The following CCDC144A variants were observed in gnomAD, a reference collection of about 807,000 sequenced individuals.
CCDC144A encodes coiled-coil domain containing 144A, also known as coiled-coil domain-containing protein 144A.
Under a neutral mutation model 143.8 loss-of-function variants are expected in CCDC144A, and 41 were observed. The ratio of observed to expected loss-of-function variants is 0.29; its 90% CI spans 0.22 to 0.37. The LOEUF (loss-of-function observed/expected upper bound fraction) is 0.37, where lower values mean the gene tolerates loss of function less well. Among genes scored for constraint, CCDC144A ranks in the 10% least tolerant of loss-of-function variants. The pLI is 1.00. For missense variants in CCDC144A, 637 were observed against 1,488.8 expected, an observed-to-expected ratio of 0.43 and a Z score of 9.41; for synonymous variants, 242 against 517.9, an observed-to-expected ratio of 0.47 and a Z score of 7.23.
In CCDC144A at chr17:16,768,489, T is replaced by C. The variant is rs531577202; in HGVS notation, c.4099-3488T>C. ...TCAGTCAGTGCCAAAGCAGTTGTTATGGAGGCCTGCGTTAGTGAGACCTGG... is the reference window on the plus strand; with the variant it reads ...TCAGTCAGTGCCAAAGCAGTTGTTACGGAGGCCTGCGTTAGTGAGACCTGG... On this transcript the variant is annotated intron_variant, in intron 15 of 16. Coordinates refer to ENST00000399273, the MANE Select transcript of CCDC144A (RefSeq NM_001382000.1). 8.1e-3 allele frequency among the ~76,000 whole-genome samples: 1,229 copies of C among 152,224 alleles called. 1 individual carries two copies. Among genetic ancestry groups the C allele is most frequent in the Non-Finnish European group, 0.013 (889 of 67,940 alleles).
intron 2 of CCDC144A, among the ~76,000 whole-genome samples, chr17:16,696,838 G>C (rs999478779): frequency 6.6e-6 from 1 of 151,896 alleles, no homozygotes; most frequent in East Asian, 1.9e-4. Context: ...TTTCATGGCT[G>C]ACTAATTAGC....
chr17:16,674,994 C>T, the CCDC144A span, among the ~76,000 whole-genome samples: 2 of 150,562 alleles, frequency 1.3e-5, no homozygotes, highest in East Asian at 2.0e-4. Flanking sequence ...TTAGGCCGGG[C>T]GTGGTGGCTC....
chr17:16,694,442 G>A (rs1290304524), intron 2 of CCDC144A, among the ~76,000 whole-genome samples: 1 of 152,034 alleles, frequency 6.6e-6, no homozygotes, highest in Non-Finnish European at 1.5e-5. Flanking sequence ...AATTAGCTGG[G>A]TGTTTTGGTG....
chr17:16,723,222 T>C, intron 8 of CCDC144A, among the ~76,000 whole-genome samples: 1 of 152,156 alleles, frequency 6.6e-6, no homozygotes, highest in Non-Finnish European at 1.5e-5. Flanking sequence ...TGGACCTTGG[T>C]AATTTTTGTT....
chr17:16,773,340 C>T (rs890071346), intron 16 of CCDC144A, among the ~76,000 whole-genome samples, 157 bp from the exon 17 acceptor site: 5 of 152,090 alleles, frequency 3.3e-5, no homozygotes, highest in African/African-American at 9.7e-5. Flanking sequence ...GTTCCAAGTA[C>T]TTGGGGCTGA....
intron 12 of CCDC144A, among the ~76,000 whole-genome samples, chr17:16,756,496 T>C (rs1350547314): frequency 6.7e-6 from 1 of 149,984 alleles, no homozygotes; most frequent in Non-Finnish European, 1.5e-5. Context: ...TTGAATTTCT[T>C]ATTCAGATCA....
At chr17:16,678,739 C>A in the CCDC144A span, among the ~76,000 whole-genome samples, 1 of 147,602 alleles carries the variant, frequency 6.8e-6, no homozygotes, top group Non-Finnish European at 1.5e-5. Context: ...TGCCACCAAG[C>A]CTGGCTAATT....
At chr17:16,686,736 TCA>T (rs987041414), upstream of CCDC144A, among the ~76,000 whole-genome samples, 21 of 133,062 alleles carry the variant, frequency 1.6e-4, no homozygotes, top group Non-Finnish European at 3.0e-4. Flanking sequence ...TCTGCCTCTG[TCA>T]CACACACAAA....
chr17:16,667,430 AG>A, the CCDC144A span, among the ~76,000 whole-genome samples: 2 of 150,186 alleles, frequency 1.3e-5, no homozygotes, highest in Non-Finnish European at 3.0e-5. Flanking sequence ...ACGCGGCTGA[AG>A]GGACTGAGGG....
intron 6 of CCDC144A, among the ~76,000 whole-genome samples, chr17:16,718,977 G>A (rs1378089794): frequency 4.4e-5 from 6 of 137,208 alleles, no homozygotes; most frequent in Non-Finnish European, 7.7e-5. Flanking sequence ...GATTACAGGC[G>A]CCCGCCACCG....
chr17:16,673,195 G>T, the CCDC144A span, among the ~76,000 whole-genome samples: 441 of 151,690 alleles, frequency 2.9e-3, 2 homozygotes, highest in Admixed American at 6.8e-3. Context: ...ACACAGAGGG[G>T]CCCTAACACC....
the CCDC144A span, among the ~76,000 whole-genome samples, chr17:16,679,277 G>A: frequency 1.3e-5 from 2 of 152,140 alleles, no homozygotes; most frequent in South Asian, 4.2e-4. Context: ...ATATAGATAT[G>A]GATAGGTAGG....
chr17:16,726,008 T>C (rs1426122334), intron 8 of CCDC144A, among the ~76,000 whole-genome samples: 3 of 152,202 alleles, frequency 2.0e-5, no homozygotes, highest in Non-Finnish European at 4.4e-5. Context: ...ATGTCTAATC[T>C]GTGTTCACTT....
At position 16,709,009 on chromosome 17, in the gene CCDC144A, G is replaced by A. The variant is rs972919779; in HGVS notation, c.952G>A (p.Glu318Lys). 1.2e-6 allele frequency: 2 copies of A among 1,611,530 alleles called. No individual in the cohort carries two copies. The highest frequency in any genetic ancestry group is 2.7e-5 in the African/African-American group (2 of 74,838). The change falls in exon 5 of 17, where the codon GAG (glutamate) becomes AAG (lysine). Residue 318 changes from glutamate (E) to lysine (K), a missense_variant. Transcript: ENST00000399273. ...CAAAATTCCGGCTTGTCCTGAGGAA[G>A]AGCCACTACTTGATAACTCTACAAG... ...KYKIPACPEEEPLLDNSTRGT... is the reference protein window; with the variant it reads ...KYKIPACPEEKPLLDNSTRGT...
At chr17:16,742,261 C>G (rs1914290702) in intron 12 of CCDC144A, among the ~76,000 whole-genome samples, 1 of 152,126 alleles carries the variant, frequency 6.6e-6, no homozygotes, top group Non-Finnish European at 1.5e-5. Flanking sequence ...TCTCTACTTC[C>G]GTGAACTTTT....
intron 8 of CCDC144A, among the ~76,000 whole-genome samples, chr17:16,726,323 G>A (rs761689914): frequency 3.1e-4 from 47 of 149,852 alleles, no homozygotes; most frequent in Non-Finnish European, 5.8e-4. Flanking sequence ...GGAGCTTGCA[G>A]TGAGCCGAGA....
In CCDC144A at chr17:16,734,725, T is replaced by C. The variant is rs1380498995; in HGVS notation, c.2454T>C (p.Phe818=). ...SHRHQKEKDL[F]HEDCMLQEEI... ...GGCATCAGAAAGAAAAGGATCTCTTTCATGAAGATTGCATGTTGCAGGAAG... is the reference window on the plus strand; with the variant it reads ...GGCATCAGAAAGAAAAGGATCTCTTCCATGAAGATTGCATGTTGCAGGAAG... The change falls in exon 12 of 17, where the codon TTT becomes TTC. Residue 818 remains phenylalanine (F), a synonymous_variant. Transcript: ENST00000399273. The C allele has an allele frequency of 5.6e-6, 9 of 1,594,692 alleles. No homozygotes were observed. The highest frequency in any genetic ancestry group is 4.5e-5 in the East Asian group (2 of 44,718).
the CCDC144A span, among the ~76,000 whole-genome samples, chr17:16,669,220 A>G: frequency 1.3e-5 from 2 of 152,248 alleles, no homozygotes; most frequent in Non-Finnish European, 1.5e-5. Context: ...TGCATAATAT[A>G]TGTAATGCTA....
At chr17:16,695,749 G>T (rs1911360661) in intron 2 of CCDC144A, among the ~76,000 whole-genome samples, 1 of 151,676 alleles carries the variant, frequency 6.6e-6, no homozygotes, top group African/African-American at 2.4e-5. Flanking sequence ...TTAAATATGT[G>T]CCAGACACTT....
Sources: allele counts gnomAD v4.1 joint callset (sites outside exome capture counted in the v4.1 genomes callset), GRCh38; gene constraint gnomAD v4.1.1; transcripts MANE v1.5; gene names NCBI Gene and HGNC (gene_info 2026-07-23, HGNC 2026-07-21).